SUPT5H: variants seen among roughly 807,000 people sequenced by gnomAD.
SUPT5H encodes the protein transcription elongation factor SPT5.
A neutral mutation model predicts 142.5 loss-of-function variants in SUPT5H; 24 were observed. That is an observed-to-expected ratio of 0.17 (90% CI 0.12 to 0.24). The LOEUF is 0.24. SUPT5H is among the 10% of genes least tolerant of loss of function. SUPT5H has a pLI of 1.00. For synonymous variants in SUPT5H, 546 were observed against 553.0 expected, an observed-to-expected ratio of 0.99 and a Z score of 0.18; for missense variants, 893 against 1,471.8, an observed-to-expected ratio of 0.61 and a Z score of 6.43.
intron 10 of SUPT5H, among the ~76,000 whole-genome samples, chr19:39,461,989 A>G (rs2146101635): frequency 6.6e-6 from 1 of 151,916 alleles, no homozygotes; most frequent in African/African-American, 2.4e-5. Flanking sequence ...GCTGGAGTGC[A>G]ATGGTGTGGT....
intron 2 of SUPT5H, among the ~76,000 whole-genome samples, chr19:39,448,144 T>C (rs2078976352): frequency 6.6e-6 from 1 of 152,204 alleles, no homozygotes; most frequent in African/African-American, 2.4e-5. Flanking sequence ...TTGCTTGCCT[T>C]GTGGCAGAGT....
Position 39,470,026 on chromosome 19 carries a change from T to G in SUPT5H, c.1375-93T>G. ...TGGTAAGAGCCTGAAGTGGGGTTTT[T>G]GAGAACATGCGTAGATTCTGAAGAC... On this transcript the variant is annotated intron_variant, in intron 16 of 29. Coordinates refer to ENST00000432763, the MANE Select transcript of SUPT5H (RefSeq NM_001111020.3). This position sits in a 1 kb window ranked among gnomAD's most constrained non-coding sequence, Gnocchi z 5.8. 2 of 1,509,020 alleles carry G rather than the reference T, an allele frequency of 1.3e-6. No homozygotes were observed. The highest frequency in any genetic ancestry group is 1.8e-6 in the Non-Finnish European group (2 of 1,112,460). 93.5% of individuals were successfully genotyped at this position (1,509,020 alleles called of 1,614,324 possible). A position where few individuals can be genotyped will look rare whatever the true frequency, so the allele number is the denominator to read the frequency against.
chr19:39,462,523 A>C (rs1248485173), intron 10 of SUPT5H, among the ~76,000 whole-genome samples: 1 of 148,780 alleles, frequency 6.7e-6, no homozygotes, highest in Non-Finnish European at 1.5e-5. Flanking sequence ...ATATATCAAG[A>C]CTTCATTTTT....
At chr19:39,471,318 C>T in intron 18 of SUPT5H, 39 bp from the exon 19 acceptor site, 1 of 1,613,518 alleles carries the variant, frequency 6.2e-7, no homozygotes, top group Non-Finnish European at 8.5e-7. Flanking sequence ...CTCCCCTTCC[C>T]ATTCTCACCC....
In SUPT5H at chr19:39,472,039, A is replaced by G. The variant is rs2079328248; in HGVS notation, c.1950+309A>G. On this transcript the variant is annotated intron_variant, in intron 20 of 29. Transcript: ENST00000432763. This position sits in a 1 kb window ranked among gnomAD's most constrained non-coding sequence, Gnocchi z 4.2. ...TACTCTAGAGGTGGACAGACAGATA[A>G]ACCCATCGTACAGCTTGAGGTGATA... Among the ~76,000 whole-genome samples the G allele has an allele frequency of 6.6e-6, 1 of 152,236 alleles. No homozygotes were observed. The highest frequency in any genetic ancestry group is 2.1e-4 in the South Asian group (1 of 4,832).
chr19:39,464,267 G>T (rs908989419), intron 10 of SUPT5H, among the ~76,000 whole-genome samples: 3 of 152,172 alleles, frequency 2.0e-5, no homozygotes, highest in Admixed American at 1.3e-4. Context: ...TTACAAGCAT[G>T]AGCCACCGTG....
intron 2 of SUPT5H, among the ~76,000 whole-genome samples, chr19:39,450,857 A>G (rs1568418059): frequency 6.6e-6 from 1 of 152,154 alleles, no homozygotes. Flanking sequence ...GTGGGAGAAC[A>G]GGCCTTAGGC....
intron 10 of SUPT5H, among the ~76,000 whole-genome samples, chr19:39,460,980 A>G (rs1010740160): frequency 8.5e-5 from 13 of 152,098 alleles, no homozygotes; most frequent in Non-Finnish European, 1.5e-4. Flanking sequence ...AATGTGCTCA[A>G]ATGTCCTCCT....
In SUPT5H at chr19:39,474,797, G is replaced by C; in HGVS notation, c.3024+79G>C. The C allele has an allele frequency of 1.4e-6, 2 of 1,457,994 alleles. No homozygotes were observed. Among genetic ancestry groups the C allele is most frequent in the Non-Finnish European group, 1.9e-6 (2 of 1,071,024 alleles). 90.3% of individuals were successfully genotyped at this position (1,457,994 alleles called of 1,614,324 possible). A position where few individuals can be genotyped will look rare whatever the true frequency, so the allele number is the denominator to read the frequency against. Reference sequence around the variant, plus strand: ...TAAACTGGAGACAGACCTGTCCCCAGATGGTGACAGCCCAGAGTGGGCAGA... The same window carrying C: ...TAAACTGGAGACAGACCTGTCCCCACATGGTGACAGCCCAGAGTGGGCAGA... On this transcript the variant is annotated intron_variant, in intron 28 of 29. Transcript: ENST00000432763. The surrounding 1 kb of genome is among the most constrained non-coding windows in gnomAD (Gnocchi z 6.5).
In SUPT5H at chr19:39,474,499, C is replaced by T. The variant is rs751556103; in HGVS notation, c.2821-16C>T. On this transcript the variant is annotated splice_polypyrimidine_tract_variant and intron_variant, in intron 27 of 29. Transcript: ENST00000432763. The surrounding 1 kb of genome is among the most constrained non-coding windows in gnomAD (Gnocchi z 6.5). ...CAGATGACTATTCCCAATGACACTT[C>T]CTCTTTCCCCTGCAGGCTAGCCCCA... 6 of 1,613,532 alleles carry T rather than the reference C, an allele frequency of 3.7e-6. No homozygotes were observed. The highest frequency in any genetic ancestry group is 5.1e-6 in the Non-Finnish European group (6 of 1,179,692).
At chr19:39,462,280 A>T (rs1167020466) in intron 10 of SUPT5H, among the ~76,000 whole-genome samples, 1 of 152,040 alleles carries the variant, frequency 6.6e-6, no homozygotes, top group Non-Finnish European at 1.5e-5. Flanking sequence ...AACCATCATC[A>T]CCATCTAATT....
In SUPT5H at chr19:39,457,690, A is replaced by G; in HGVS notation, c.257A>G (p.Tyr86Cys). The G allele has an allele frequency of 6.2e-7, 1 of 1,614,078 alleles. No individual in the cohort carries two copies. The highest frequency in any genetic ancestry group is 8.5e-7 in the Non-Finnish European group (1 of 1,179,984). ...ILDEADVDDEYEDEDQWEDGA... is the reference protein window; with the variant it reads ...ILDEADVDDECEDEDQWEDGA... ...TCCGTTTTAGATGTTGACGATGAGT[A>G]TGAGGACGAGGACCAGTGGGAGGAT... The change falls in exon 4 of 30, where the codon TAT (tyrosine) becomes TGT (cysteine). Residue 86 changes from tyrosine to cysteine, a missense_variant. This residue lies in a region of SUPT5H where 5 missense variants were observed against 34.5 expected (regional missense o/e 0.14). Coordinates refer to ENST00000432763, the MANE Select transcript of SUPT5H (RefSeq NM_001111020.3).
At chr19:39,463,496 T>G (rs1447838733) in intron 10 of SUPT5H, among the ~76,000 whole-genome samples, 1 of 152,224 alleles carries the variant, frequency 6.6e-6, no homozygotes, top group Non-Finnish European at 1.5e-5. Context: ...TCTTTTATGT[T>G]TACTGAGACG....
In SUPT5H at chr19:39,469,994, G is replaced by T; in HGVS notation, c.1375-125G>T. On this transcript the variant is annotated intron_variant, in intron 16 of 29. Coordinates refer to ENST00000432763, the MANE Select transcript of SUPT5H (RefSeq NM_001111020.3). The surrounding 1 kb of genome is among the most constrained non-coding windows in gnomAD (Gnocchi z 5.1). ...CGTCCAGGTGGACTAAGGTAGTCTG[G>T]GGTGGGTGGTAAGAGCCTGAAGTGG... 7.8e-7 allele frequency: 1 copy of T among 1,281,896 alleles called. No homozygotes were observed. Among genetic ancestry groups the T allele is most frequent in the Non-Finnish European group, 1.1e-6 (1 of 919,088 alleles). The allele number at this position is 1,281,896 out of a possible 1,614,324, so 79.4% of individuals were successfully genotyped here. A position where few individuals can be genotyped will look rare whatever the true frequency, so the allele number is the denominator to read the frequency against.
rs2079236489 is a variant in SUPT5H, at chr19:39,466,405, A to G, written c.877-75A>G. ...TCCTGCGTCCCTTCTCCTTCCTAGC[A>G]TCTCCTGACCCTTCTTGTGTCTGGG... On this transcript the variant is annotated intron_variant, in intron 11 of 29. Coordinates refer to ENST00000432763, the MANE Select transcript of SUPT5H (RefSeq NM_001111020.3). This position sits in a 1 kb window ranked among gnomAD's most constrained non-coding sequence, Gnocchi z 4.3. The G allele has an allele frequency of 3.2e-5, 45 of 1,393,248 alleles. No individual in the cohort carries two copies. The South Asian group carries it at 5.2e-4, about 16-fold the overall frequency. 86.3% of individuals were successfully genotyped at this position (1,393,248 alleles called of 1,614,324 possible).
At chr19:39,463,148 C>T (rs747590829) in intron 10 of SUPT5H, among the ~76,000 whole-genome samples, 2 of 150,812 alleles carry the variant, frequency 1.3e-5, no homozygotes, top group Non-Finnish European at 3.0e-5. Flanking sequence ...GAACCCACTG[C>T]GCCTGGCCAA....
intron 3 of SUPT5H, among the ~76,000 whole-genome samples, chr19:39,457,314 CATA>C (rs74178074): frequency 1.4e-3 from 210 of 152,330 alleles, no homozygotes; most frequent in Middle Eastern, 3.4e-3. Flanking sequence ...GTACAAGAAT[CATA>C]AAACCAACAG....
At chr19:39,446,695 T>C (rs1012174113) in intron 2 of SUPT5H, among the ~76,000 whole-genome samples, 2 of 152,068 alleles carry the variant, frequency 1.3e-5, no homozygotes, top group African/African-American at 4.8e-5. Flanking sequence ...CGGGACCCTG[T>C]CTCTACAAAA....
At position 39,472,484 on chromosome 19, in the gene SUPT5H, A is replaced by G; in HGVS notation, c.2026A>G (p.Ser676Gly). 1.9e-6 allele frequency: 3 copies of G among 1,613,982 alleles called. No individual in the cohort carries two copies. Among genetic ancestry groups the G allele is most frequent in the Non-Finnish European group, 2.5e-6 (3 of 1,179,952 alleles). The stretch of plus-strand genomic sequence containing the variant: ...CCGGATCAGCAGCCCCATGCACCCC[A>G]GTGCTGGAGGTGAGAGGGGTTCAGG... ...SPRISSPMHPSAGGQRGGFGS... is the reference protein window; with the variant it reads ...SPRISSPMHPGAGGQRGGFGS... Residue 676 changes from serine (S) to glycine (G), a missense_variant, in exon 21 of 30, where the codon AGT becomes GGT. This residue lies in a region of SUPT5H where 428 missense variants were observed against 763.5 expected (regional missense o/e 0.56). Transcript: ENST00000432763. This position sits in a 1 kb window ranked among gnomAD's most constrained non-coding sequence, Gnocchi z 4.2.
Sources: gnomAD v4.1 joint callset for allele counts (sites outside exome capture counted in the v4.1 genomes callset) on GRCh38, gnomAD v4.1.1 for gene constraint, gnomAD v4.1.1 regional missense constraint, Gnocchi (gnomAD v3.1) non-coding constraint, MANE v1.5 for transcripts, NCBI Gene and HGNC (gene_info 2026-07-23, HGNC 2026-07-21) for gene names.